The following PDE4D variants were observed in gnomAD, a reference collection of about 807,000 sequenced individuals.
The protein encoded by PDE4D is phosphodiesterase 4D, also known as 3',5'-cyclic-AMP phosphodiesterase 4D.
PDE4D carries 24 observed loss-of-function variants against 87.4 expected under a neutral mutation model. That is an observed-to-expected ratio of 0.27 (90% CI 0.20 to 0.39). PDE4D has a LOEUF of 0.39. Ranked by LOEUF, PDE4D falls within the 10% of genes least tolerant of loss-of-function variation. The pLI, the probability that PDE4D is intolerant of heterozygous loss-of-function variation, is 1.00. For synonymous variants in PDE4D, 384 were observed against 383.2 expected (o/e 1.00, Z -0.02); for missense variants, 714 against 1,041.0 (o/e 0.69, Z 4.32).
intron 1 of PDE4D, among the ~76,000 whole-genome samples, chr5:59,283,619 A>G (rs749488222): frequency 1.3e-5 from 2 of 152,006 alleles, no homozygotes; most frequent in Non-Finnish European, 2.9e-5. Context: ...ACCTTGCCCC[A>G]AATCTGCTCA....
intron 1 of PDE4D, among the ~76,000 whole-genome samples, chr5:59,649,927 T>TTTTTTTTTTTTTTTTG (rs1298169701): frequency 7.3e-6 from 1 of 137,180 alleles, no homozygotes; most frequent in Non-Finnish European, 1.6e-5. Context: ...TTTTTTTTTT[T>TTTTTTTTTTTTTTTTG]TTTTTAGCAA....
chr5:60,444,940 G>T (rs954482980), intron 1 of PDE4D, among the ~76,000 whole-genome samples: 2 of 151,388 alleles, frequency 1.3e-5, no homozygotes, highest in East Asian at 1.9e-4. Flanking sequence ...CACCGAAATG[G>T]TGTCTACAAA....
intron 1 of PDE4D, among the ~76,000 whole-genome samples, chr5:59,295,303 A>C (rs1280075157): frequency 1.3e-5 from 2 of 152,220 alleles, no homozygotes; most frequent in Non-Finnish European, 2.9e-5. Flanking sequence ...ACTCTGGAAT[A>C]GTGACCCAGG....
intron 1 of PDE4D, among the ~76,000 whole-genome samples, chr5:59,437,662 C>A (rs1050718742): frequency 6.6e-6 from 1 of 151,272 alleles, no homozygotes; most frequent in East Asian, 1.9e-4. Flanking sequence ...TGAGCATGTA[C>A]TATGTATACA....
intron 2 of PDE4D, among the ~76,000 whole-genome samples, chr5:60,013,792 T>C (rs1286121698): frequency 3.3e-5 from 5 of 152,164 alleles, no homozygotes. Flanking sequence ...AAGCAAATGC[T>C]AGATAAGTGC....
chr5:58,993,243 C>T (rs977470178), intron 7 of PDE4D, 129 bp downstream of exon 7: 21 of 535,090 alleles, frequency 3.9e-5, no homozygotes, highest in Non-Finnish European at 6.3e-5. Context: ...ATTAATATGA[C>T]GAATGAAAAC....
At chr5:59,773,787 A>G (rs1763810093) in intron 1 of PDE4D, among the ~76,000 whole-genome samples, 1 of 152,180 alleles carries the variant, frequency 6.6e-6, no homozygotes, top group Non-Finnish European at 1.5e-5. Flanking sequence ...ACACTGTAGA[A>G]CATGGTTTTT....
At chr5:60,516,612 A>G (rs1013963434) in intron 1 of PDE4D, among the ~76,000 whole-genome samples, 1 of 152,144 alleles carries the variant, frequency 6.6e-6, no homozygotes, top group African/African-American at 2.4e-5. Flanking sequence ...TAGGTCAAAA[A>G]CCTCCATATG....
chr5:58,988,599 A>C lies in PDE4D; in HGVS notation c.1453-7T>G, dbSNP rs1466358049. The C allele has an allele frequency of 2.2e-6, 3 of 1,385,182 alleles. No homozygotes were observed. Among genetic ancestry groups the C allele is most frequent in the African/African-American group, 2.9e-5 (2 of 69,694 alleles). 85.8% of individuals were successfully genotyped at this position (1,385,182 alleles called of 1,614,324 possible). On this transcript the variant is annotated splice_region_variant and splice_polypyrimidine_tract_variant and intron_variant, in intron 10 of 14. Transcript: ENST00000340635. ...CCAAATCTGTAAACACAGCCTGGAA[A>C]ATCAGACAATATAGATAATATTACT...
At chr5:59,199,569 G>C (rs1469775585) in intron 2 of PDE4D, among the ~76,000 whole-genome samples, 1 of 151,944 alleles carries the variant, frequency 6.6e-6, no homozygotes, top group Non-Finnish European at 1.5e-5. Flanking sequence ...TGAAATCTTA[G>C]TATCTTTCTT....
intron 2 of PDE4D, among the ~76,000 whole-genome samples, chr5:60,179,423 A>G (rs987112012): frequency 2.0e-5 from 3 of 152,170 alleles, no homozygotes; most frequent in African/African-American, 7.2e-5. Flanking sequence ...AGAAGTATTG[A>G]ACACAATTGA....
intron 1 of PDE4D, among the ~76,000 whole-genome samples, chr5:59,851,779 C>T (rs772870310): frequency 6.6e-6 from 1 of 151,938 alleles, no homozygotes; most frequent in Non-Finnish European, 1.5e-5. Context: ...GAGGGTTACG[C>T]AGTACAGAAT....
At chr5:59,194,682 A>AG (rs1467537108) in intron 2 of PDE4D, among the ~76,000 whole-genome samples, 5 of 152,196 alleles carry the variant, frequency 3.3e-5, no homozygotes, top group Non-Finnish European at 5.9e-5. Flanking sequence ...CATGTTTTTC[A>AG]AGGGGCACCT....
At chr5:59,748,472 T>C (rs959519328) in intron 1 of PDE4D, among the ~76,000 whole-genome samples, 2 of 151,942 alleles carry the variant, frequency 1.3e-5, no homozygotes, top group South Asian at 2.1e-4. Flanking sequence ...TATGCAGCCA[T>C]AAAAAAGGAT....
intron 2 of PDE4D, among the ~76,000 whole-genome samples, chr5:59,213,380 T>C (rs1275810200): frequency 1.3e-5 from 2 of 152,134 alleles, no homozygotes; most frequent in African/African-American, 4.8e-5. Context: ...AAGGCAGGTC[T>C]TCTTTGTCCT....
intron 11 of PDE4D, among the ~76,000 whole-genome samples, chr5:58,977,913 T>C (rs1744186527): frequency 6.6e-6 from 1 of 152,202 alleles, no homozygotes; most frequent in South Asian, 2.1e-4. Context: ...GTGGCAGTCA[T>C]TGTATACTGT....
At position 60,040,031 on chromosome 5, in the gene PDE4D, G is replaced by A. The variant is rs1205758657; in HGVS notation, c.43-51314C>T. On this transcript the variant is annotated intron_variant, in intron 2 of 16. Transcript: ENST00000502484. ...TGCCCCATTCACTCTATCAAAACTG[G>A]AAACACTTCCTTTTCAATTTTCCCA... Among the ~76,000 whole-genome samples, 4 of 152,032 alleles carry A rather than the reference G, an allele frequency of 2.6e-5. No homozygotes were observed. In the East Asian group the frequency reaches 7.7e-4, roughly 29 times the overall value.
intron 1 of PDE4D, among the ~76,000 whole-genome samples, chr5:59,415,762 T>C (rs1245766077): frequency 6.6e-6 from 1 of 152,180 alleles, no homozygotes; most frequent in African/African-American, 2.4e-5. Context: ...AATAATTATA[T>C]ATATTGTTTA....
At chr5:59,808,342 A>T (rs543288396) in intron 1 of PDE4D, among the ~76,000 whole-genome samples, 1 of 152,114 alleles carries the variant, frequency 6.6e-6, no homozygotes, top group African/African-American at 2.4e-5. Context: ...CCTGAGGCCA[A>T]TTTTTGACCC....
Sources: allele counts gnomAD v4.1 joint callset (sites outside exome capture counted in the v4.1 genomes callset), GRCh38; gene constraint gnomAD v4.1.1; transcripts MANE v1.5; gene names NCBI Gene and HGNC (gene_info 2026-07-23, HGNC 2026-07-21).